Variants in ZNF267 observed in about 807,000 individuals in gnomAD.
ZNF267 encodes the protein zinc finger protein 267.
In ZNF267, 61 loss-of-function variants were observed where a neutral mutation model predicts 71.6. That is an observed-to-expected ratio of 0.85 (90% CI 0.69 to 1.05). ZNF267 has a LOEUF of 1.05. ZNF267 is among the 50% of genes least tolerant of loss of function. The pLI is 0.00. For missense variants in ZNF267, 852 were observed against 870.0 expected (o/e 0.98, Z 0.26); for synonymous variants, 288 against 293.2 (o/e 0.98, Z 0.18).
At chr16:31,881,154 T>C (rs2083887319) in intron 1 of ZNF267, among the ~76,000 whole-genome samples, 1 of 152,250 alleles carries the variant, frequency 6.6e-6, no homozygotes, top group African/African-American at 2.4e-5. Flanking sequence ...CTACATGTTT[T>C]GGTTAAATTG....
intron 3 of ZNF267, among the ~76,000 whole-genome samples, chr16:31,891,283 A>G (rs1243649673): frequency 6.6e-6 from 1 of 152,188 alleles, no homozygotes; most frequent in Non-Finnish European, 1.5e-5. Context: ...TATACTGTGT[A>G]TTCATTAACA....
At chr16:31,874,017 C>G in intron 1 of ZNF267, 48 bp downstream of exon 1, 2 of 1,595,154 alleles carry the variant, frequency 1.3e-6, no homozygotes, top group Non-Finnish European at 1.7e-6. Flanking sequence ...GGGCGGTGGT[C>G]GGAAGCGGCG....
intron 3 of ZNF267, among the ~76,000 whole-genome samples, chr16:31,909,004 G>C (rs913071263): frequency 1.3e-5 from 2 of 150,878 alleles, no homozygotes; most frequent in Admixed American, 6.6e-5. Context: ...AGATTGTTTC[G>C]AGTAGTATGG....
chr16:31,878,060 G>A (rs763694921), intron 1 of ZNF267, among the ~76,000 whole-genome samples: 1 of 152,124 alleles, frequency 6.6e-6, no homozygotes, highest in African/African-American at 2.4e-5. Context: ...GGACTGAGCC[G>A]AGAACTTGTG....
chr16:31,891,519 C>T (rs770731951), intron 3 of ZNF267, among the ~76,000 whole-genome samples: 1 of 152,062 alleles, frequency 6.6e-6, no homozygotes, highest in Non-Finnish European at 1.5e-5. Flanking sequence ...TTGTAGCTTC[C>T]ACAATTCCCA....
intron 3 of ZNF267, among the ~76,000 whole-genome samples, chr16:31,887,666 C>T (rs1390735761): frequency 6.6e-6 from 1 of 151,874 alleles, no homozygotes; most frequent in African/African-American, 2.4e-5. Context: ...ATCTTGGTGC[C>T]CTTGTCAAAG....
chr16:31,885,654 G>A (rs540808451), intron 3 of ZNF267, among the ~76,000 whole-genome samples: 5,111 of 152,162 alleles, frequency 0.034, 134 homozygotes, highest in African/African-American at 0.069. Context: ...GATGGACAGT[G>A]GAATTTTTTT....
chr16:31,889,833 C>T (rs1488373731), intron 3 of ZNF267, among the ~76,000 whole-genome samples: 3 of 152,126 alleles, frequency 2.0e-5, no homozygotes, highest in African/African-American at 7.2e-5. Context: ...ATTCAGACAC[C>T]CCATATTAGG....
At chr16:31,900,615 T>G (rs2084032409) in intron 3 of ZNF267, among the ~76,000 whole-genome samples, 1 of 151,988 alleles carries the variant, frequency 6.6e-6, no homozygotes, top group South Asian at 2.1e-4. Context: ...CAGCTATTTT[T>G]TTGTATTTTT....
intron 1 of ZNF267, among the ~76,000 whole-genome samples, chr16:31,878,315 C>T (rs536383064): frequency 6.6e-6 from 1 of 152,210 alleles, no homozygotes; most frequent in Admixed American, 6.5e-5. Flanking sequence ...AGGGACTGAA[C>T]ACTGAGAGGA....
chr16:31,878,362 C>G (rs1596613042), intron 1 of ZNF267, among the ~76,000 whole-genome samples: 1 of 152,134 alleles, frequency 6.6e-6, no homozygotes, highest in Non-Finnish European at 1.5e-5. Context: ...CCCGACCCAG[C>G]TGCCACCACA....
At chr16:31,880,337 G>A (rs939354674) in intron 1 of ZNF267, among the ~76,000 whole-genome samples, 1 of 152,180 alleles carries the variant, frequency 6.6e-6, no homozygotes, top group Admixed American at 6.5e-5. Flanking sequence ...CTTAGCAGAG[G>A]GAGGGTGGGG....
chr16:31,873,993 C>A (rs2083833044), intron 1 of ZNF267, 24 bp downstream of exon 1: 1 of 1,607,514 alleles, frequency 6.2e-7, no homozygotes, highest in South Asian at 1.1e-5. Flanking sequence ...GTCGGGGGTC[C>A]CCAGAGGGAG....
chr16:31,881,786 C>T (rs1237785705), intron 1 of ZNF267, among the ~76,000 whole-genome samples: 3 of 151,464 alleles, frequency 2.0e-5, no homozygotes, highest in African/African-American at 4.9e-5. Context: ...CCTGCCTCAG[C>T]CTCCCGAGTA....
At chr16:31,909,120 C>CTTTTTTTTTTTTTTTTT (rs34409182) in intron 3 of ZNF267, among the ~76,000 whole-genome samples, 24 of 45,334 alleles carry the variant, frequency 5.3e-4, no homozygotes, top group African/African-American at 1.3e-3. Flanking sequence ...CTTTTCTTTT[C>CTTTTTTTTTTTTTTTTT]TTTTTTTTTT....
At chr16:31,901,812 G>A (rs1308593027) in intron 3 of ZNF267, among the ~76,000 whole-genome samples, 2 of 152,150 alleles carry the variant, frequency 1.3e-5, no homozygotes, top group African/African-American at 4.8e-5. Flanking sequence ...GATCCCATTT[G>A]TCAATTTTGG....
intron 3 of ZNF267, among the ~76,000 whole-genome samples, chr16:31,901,975 G>C (rs1161506797): frequency 6.6e-6 from 1 of 152,148 alleles, no homozygotes; most frequent in Non-Finnish European, 1.5e-5. Context: ...TTTGTATAAG[G>C]TGTAAGGAAG....
Position 31,915,441 on chromosome 16 carries a change from C to CA in ZNF267, c.1193dup (p.His398GlnfsTer14). On this transcript the variant is annotated frameshift_variant, in exon 4 of 4. Coordinates refer to ENST00000300870, the MANE Select transcript of ZNF267 (RefSeq NM_003414.6). LOFTEE classifies it high-confidence loss of function. ...TACTCGTTCCTCCAATCTTATTGTG[C>CA]ATCAGAGAATTCACACTGGAGAGAA... The CA allele has an allele frequency of 6.2e-7, 1 of 1,613,924 alleles. No individual in the cohort carries two copies. Among genetic ancestry groups the CA allele is most frequent in the Non-Finnish European group, 8.5e-7 (1 of 1,179,930 alleles).
chr16:31,883,555 A>T (rs1383106132), intron 1 of ZNF267, among the ~76,000 whole-genome samples: 3 of 152,176 alleles, frequency 2.0e-5, no homozygotes. Flanking sequence ...CTTTGAGATA[A>T]ATTCTAAATC....
Sources: gnomAD v4.1 joint callset for allele counts (sites outside exome capture counted in the v4.1 genomes callset) on GRCh38, gnomAD v4.1.1 for gene constraint, MANE v1.5 for transcripts, NCBI Gene and HGNC (gene_info 2026-07-23, HGNC 2026-07-21) for gene names.